SASH1: variants seen among roughly 807,000 people sequenced by gnomAD.
The protein encoded by SASH1 is SAM and SH3 domain containing 1.
SASH1 carries 44 observed loss-of-function variants against 125.2 expected under a neutral mutation model. That is an observed-to-expected ratio of 0.35 (90% CI 0.28 to 0.45). The LOEUF (loss-of-function observed/expected upper bound fraction) is 0.45, where lower values mean the gene tolerates loss of function less well. Among genes scored for constraint, SASH1 ranks in the 20% least tolerant of loss-of-function variants. The pLI is 1.00. For synonymous variants in SASH1, 639 were observed against 649.1 expected (o/e 0.98, Z 0.24); for missense variants, 1,426 against 1,614.5 (o/e 0.88, Z 2.00).
At chr6:148,259,607 A>G in the SASH1 span, among the ~76,000 whole-genome samples, 2 of 152,260 alleles carry the variant, frequency 1.3e-5, no homozygotes, top group Admixed American at 1.3e-4. Context: ...TGTCCTGCTC[A>G]TGATTGTACC....
At position 148,550,707 on chromosome 6, in the gene SASH1, G is replaced by A. The variant is rs1404690653; in HGVS notation, c.*2149G>A. 3 of 152,256 alleles carry A rather than the reference G, an allele frequency of 2.0e-5. No homozygotes were observed. Among genetic ancestry groups the A allele is most frequent in the Non-Finnish European group, 4.4e-5 (3 of 68,040 alleles). 9.4% of individuals were successfully genotyped at this position (152,256 alleles called of 1,614,324 possible). A position where few individuals can be genotyped will look rare whatever the true frequency, so the allele number is the denominator to read the frequency against. ...TGCAGGGTTCTTGTATAGCTAAAGC[G>A]TTCAATGCATTTCACGTGCTGTGGT... On this transcript the variant is annotated 3_prime_UTR_variant, in exon 20 of 20. Transcript: ENST00000367467.
intron 1 of SASH1, among the ~76,000 whole-genome samples, chr6:148,321,684 A>G (rs748698547): frequency 5.3e-5 from 8 of 152,192 alleles, no homozygotes; most frequent in Non-Finnish European, 1.2e-4. Context: ...TTATTTTCAC[A>G]TTCCCAATGC....
At chr6:148,289,973 T>C (rs900820898) in intron 1 of SASH1, among the ~76,000 whole-genome samples, 5 of 138,286 alleles carry the variant, frequency 3.6e-5, no homozygotes, top group Non-Finnish European at 6.1e-5. Flanking sequence ...GTTCAAGCAA[T>C]ACTCCTGCCT....
At chr6:148,226,015 A>G in the SASH1 span, among the ~76,000 whole-genome samples, 2 of 152,206 alleles carry the variant, frequency 1.3e-5, no homozygotes, top group Admixed American at 6.5e-5. Flanking sequence ...AGAAGAAAAG[A>G]CAGTATGAAA....
At chr6:148,482,986 GT>G (rs1206101460) in intron 7 of SASH1, among the ~76,000 whole-genome samples, 1 of 152,170 alleles carries the variant, frequency 6.6e-6, no homozygotes, top group African/African-American at 2.4e-5. Flanking sequence ...ACCGTGCCTG[GT>G]TCAAACTTTT....
the SASH1 span, among the ~76,000 whole-genome samples, chr6:148,248,354 A>G: frequency 6.6e-6 from 1 of 152,192 alleles, no homozygotes; most frequent in Non-Finnish European, 1.5e-5. Flanking sequence ...AGCTTTCCCC[A>G]GGGGAAATTT....
At chr6:148,514,175 T>C in intron 8 of SASH1, 149 bp from the exon 9 acceptor site, 1 of 1,442,850 alleles carries the variant, frequency 6.9e-7, no homozygotes, top group Non-Finnish European at 9.1e-7. Flanking sequence ...TGGCACTTTG[T>C]AAACCTCTTG....
At chr6:148,286,799 G>A (rs577400897) in intron 1 of SASH1, among the ~76,000 whole-genome samples, 1 of 152,266 alleles carries the variant, frequency 6.6e-6, no homozygotes, top group South Asian at 2.1e-4. Flanking sequence ...TAGGGTTACA[G>A]CATATAAATT....
Position 148,343,118 on chromosome 6 carries a change from C to CG in SASH1, c.52dup (p.Glu18GlyfsTer44). ...CGGGGCCGGAGCCTGAGCCCGAGCC[C>CG]GAGCCGGAGCCCGAGCCCGCGCCGG... On this transcript the variant is annotated frameshift_variant, in exon 1 of 20. Coordinates refer to ENST00000367467, the MANE Select transcript of SASH1 (RefSeq NM_015278.5). LOFTEE classifies it high-confidence loss of function. The CG allele has an allele frequency of 6.3e-7, 1 of 1,588,310 alleles. No homozygotes were observed. The highest frequency in any genetic ancestry group is 8.5e-7 in the Non-Finnish European group (1 of 1,174,182).
chr6:148,514,106 A>T (rs1193305330), intron 8 of SASH1: 2 of 1,295,042 alleles, frequency 1.5e-6, no homozygotes, highest in Non-Finnish European at 2.0e-6. Context: ...GAGGGCAAGG[A>T]TGTGTGTTTC....
At position 148,474,150 on chromosome 6, in the gene SASH1, C is replaced by T. The variant is rs764763178; in HGVS notation, c.555C>T (p.Ser185=). The change falls in exon 7 of 20, where the codon AGC becomes AGT. Residue 185 remains serine (S), a synonymous_variant. Transcript: ENST00000367467. ...VGYVASEITM[S]DEERIQLMMM... ...ATGTTGCCAGTGAAATAACGATGAGCGATGAGGAGCGGATTCAGCTAATGA... is the reference window on the plus strand; with the variant it reads ...ATGTTGCCAGTGAAATAACGATGAGTGATGAGGAGCGGATTCAGCTAATGA... The T allele has an allele frequency of 4.3e-5, 69 of 1,611,466 alleles. No homozygotes were observed. The highest frequency in any genetic ancestry group is 5.3e-5 in the African/African-American group (4 of 74,812).
chr6:148,510,002 C>T (rs946785565), intron 8 of SASH1, among the ~76,000 whole-genome samples: 16 of 152,164 alleles, frequency 1.1e-4, no homozygotes, highest in African/African-American at 3.4e-4. Flanking sequence ...GTGGCCTGGC[C>T]GGCAAATGGT....
At position 148,342,892 on chromosome 6, in the gene SASH1, TGCG is replaced by T; in HGVS notation, c.-174_-172del. 2.8e-6 allele frequency: 1 copy of T among 351,066 alleles called. No individual in the cohort carries two copies. Among genetic ancestry groups the T allele is most frequent in the Non-Finnish European group, 4.0e-6 (1 of 250,216 alleles). The allele number at this position is 351,066 out of a possible 1,614,324, so 21.7% of individuals were successfully genotyped here. A position where few individuals can be genotyped will look rare whatever the true frequency, so the allele number is the denominator to read the frequency against. ...AGCCCGTGGCCACCTAGACCCGAGG[TGCG>T]GGCGCCTGCGAAGGGCCCCCGCGGG... On this transcript the variant is annotated 5_prime_UTR_variant, in exon 1 of 20. Transcript: ENST00000367467.
the SASH1 span, among the ~76,000 whole-genome samples, chr6:148,224,805 C>T: frequency 2.0e-5 from 3 of 152,146 alleles, no homozygotes; most frequent in African/African-American, 7.2e-5. Flanking sequence ...AAAAATTTTG[C>T]GTAAATGTTT....
At chr6:148,534,214 A>T (rs1381903752) in intron 15 of SASH1, among the ~76,000 whole-genome samples, 2 of 152,178 alleles carry the variant, frequency 1.3e-5, no homozygotes, top group East Asian at 1.9e-4. Flanking sequence ...CCCCGGGTCA[A>T]ACCTTGCTGC....
chr6:148,443,937 T>C (rs1583168825), intron 4 of SASH1, among the ~76,000 whole-genome samples: 1 of 152,226 alleles, frequency 6.6e-6, no homozygotes, highest in African/African-American at 2.4e-5. Context: ...CTGGTTGGTG[T>C]CTGCAAAAGT....
intron 2 of SASH1, among the ~76,000 whole-genome samples, chr6:148,438,742 A>AC (rs1430035454): frequency 7.8e-4 from 101 of 129,224 alleles, no homozygotes; most frequent in East Asian, 3.3e-3. Context: ...AAAAAAAAAA[A>AC]AAAACCAAAA....
At chr6:148,527,190 A>G (rs2115384246) in intron 11 of SASH1, 1 of 325,906 alleles carries the variant, frequency 3.1e-6, no homozygotes, top group Non-Finnish European at 5.5e-6. Context: ...AAAATAGTGG[A>G]AAAAATGTAA....
chr6:148,357,500 G>C (rs745828527), intron 1 of SASH1, among the ~76,000 whole-genome samples: 28 of 152,152 alleles, frequency 1.8e-4, no homozygotes, highest in Non-Finnish European at 3.2e-4. Flanking sequence ...CCCACAGTCT[G>C]GGTTTTCCCA....
Sources: gnomAD v4.1 joint callset for allele counts (sites outside exome capture counted in the v4.1 genomes callset) on GRCh38, gnomAD v4.1.1 for gene constraint, MANE v1.5 for transcripts, NCBI Gene and HGNC (gene_info 2026-07-23, HGNC 2026-07-21) for gene names.